Variants in COL5A2 observed in about 807,000 individuals in gnomAD.
The protein encoded by COL5A2 is collagen type V alpha 2 chain.
COL5A2 carries 23 observed loss-of-function variants against 208.2 expected under a neutral mutation model. The observed-to-expected ratio is 0.11, with a 90% CI of 0.08 to 0.16. The LOEUF (loss-of-function observed/expected upper bound fraction) is 0.16, where lower values mean the gene tolerates loss of function less well. Among genes scored for constraint, COL5A2 ranks in the 10% least tolerant of loss-of-function variants. COL5A2 has a pLI of 1.00. For synonymous variants in COL5A2, 625 were observed against 628.5 expected, an observed-to-expected ratio of 0.99 and a Z score of 0.08; for missense variants, 1,590 against 1,956.4, an observed-to-expected ratio of 0.81 and a Z score of 3.53.
chr2:189,168,982 G>A (rs1403744251), intron 1 of COL5A2, among the ~76,000 whole-genome samples: 1 of 152,166 alleles, frequency 6.6e-6, no homozygotes, highest in Non-Finnish European at 1.5e-5. Context: ...AAATCTCCTG[G>A]GAGTGAAGGG....
intron 21 of COL5A2, among the ~76,000 whole-genome samples, 198 bp downstream of exon 21, chr2:189,067,817 T>G (rs575175044): frequency 6.6e-6 from 1 of 152,302 alleles, no homozygotes; most frequent in South Asian, 2.1e-4. Flanking sequence ...TTTAACATAC[T>G]GCAATAATGT....
chr2:189,341,303 G>T, the COL5A2 span, among the ~76,000 whole-genome samples: 712 of 152,192 alleles, frequency 4.7e-3, 1 homozygote, highest in Non-Finnish European at 8.2e-3. Flanking sequence ...TCTAGTAGTT[G>T]CCACCTGCTG....
the COL5A2 span, among the ~76,000 whole-genome samples, chr2:189,434,151 A>G: frequency 6.6e-6 from 1 of 152,198 alleles, no homozygotes; most frequent in South Asian, 2.1e-4. Flanking sequence ...AAAAACTCTC[A>G]ATAAATTAGG....
At chr2:189,133,170 G>C (rs967905383) in intron 1 of COL5A2, 1 of 130,714 alleles carries the variant, frequency 7.7e-6, no homozygotes, top group African/African-American at 2.8e-5. Flanking sequence ...CGGCAGGCTG[G>C]AATGCAGTGG....
the COL5A2 span, among the ~76,000 whole-genome samples, chr2:189,239,685 G>A: frequency 3.3e-4 from 50 of 150,578 alleles, no homozygotes; most frequent in Non-Finnish European, 3.0e-5. Flanking sequence ...CGAGTTAATG[G>A]GTGCAGCACA....
At chr2:189,260,079 T>C in the COL5A2 span, among the ~76,000 whole-genome samples, 4 of 152,232 alleles carry the variant, frequency 2.6e-5, no homozygotes, top group Admixed American at 6.5e-5. Flanking sequence ...TGACACTGTG[T>C]TCCTAAATCC....
At chr2:189,136,340 T>C (rs1362696732) in intron 1 of COL5A2, among the ~76,000 whole-genome samples, 1 of 150,912 alleles carries the variant, frequency 6.6e-6, no homozygotes, top group African/African-American at 2.4e-5. Flanking sequence ...TGTATATAAA[T>C]ACATATTTAT....
At chr2:189,165,995 T>TA in intron 1 of COL5A2, among the ~76,000 whole-genome samples, 1 of 152,310 alleles carries the variant, frequency 6.6e-6, no homozygotes, top group East Asian at 1.9e-4. Flanking sequence ...AAAAATAGGG[T>TA]AAAAAATAGA....
chr2:189,104,254 TA>T lies in COL5A2; in HGVS notation c.336+9del. The stretch of plus-strand genomic sequence containing the variant: ...CTTATGAAAAAGAAAATATGCAAAG[TA>T]ACACTTACCTTTCTTCCTCTACCTG... On this transcript the variant is annotated intron_variant, in intron 3 of 53. Coordinates refer to ENST00000374866, the MANE Select transcript of COL5A2 (RefSeq NM_000393.5). 1 of 1,502,508 alleles carries T rather than the reference TA, an allele frequency of 6.7e-7. No homozygotes were observed. The highest frequency in any genetic ancestry group is 9.3e-7 in the Non-Finnish European group (1 of 1,080,776). The allele number at this position is 1,502,508 out of a possible 1,614,324, so 93.1% of individuals were successfully genotyped here.
chr2:189,050,125 C>A (rs1685752468), intron 43 of COL5A2, among the ~76,000 whole-genome samples: 1 of 152,134 alleles, frequency 6.6e-6, no homozygotes, highest in African/African-American at 2.4e-5. Flanking sequence ...CCTTCAGATC[C>A]TTCTTCAGCA....
At chr2:189,057,251 A>G in intron 34 of COL5A2, 69 bp downstream of exon 34, 2 of 1,167,996 alleles carry the variant, frequency 1.7e-6, no homozygotes, top group Admixed American at 2.0e-5. Context: ...TGCTCAAGAA[A>G]TCATTTCATT....
chr2:189,440,374 T>C, the COL5A2 span, among the ~76,000 whole-genome samples: 1 of 152,222 alleles, frequency 6.6e-6, no homozygotes, highest in Non-Finnish European at 1.5e-5. Context: ...ACTACACACC[T>C]AGGCTGTACG....
chr2:189,118,249 A>G lies in COL5A2; in HGVS notation c.98-7800T>C, dbSNP rs189409119. Among the ~76,000 whole-genome samples, 240 of 152,130 alleles carry G rather than the reference A, an allele frequency of 1.6e-3. 3 individuals are homozygous for G. The highest frequency in any genetic ancestry group is 0.015 in the Admixed American group (228 of 15,256). On this transcript the variant is annotated intron_variant, in intron 1 of 53. Coordinates refer to ENST00000374866, the MANE Select transcript of COL5A2 (RefSeq NM_000393.5). ...TGACATTATATCCTAAAAAGAACATATATTTTTACTCATTTTTGTAATTGA... is the reference window on the plus strand; with the variant it reads ...TGACATTATATCCTAAAAAGAACATGTATTTTTACTCATTTTTGTAATTGA...
At chr2:189,106,545 T>C (rs1388757590) in intron 2 of COL5A2, among the ~76,000 whole-genome samples, 7 of 151,312 alleles carry the variant, frequency 4.6e-5, no homozygotes, top group Non-Finnish European at 8.9e-5. Flanking sequence ...TTTCTGCAAA[T>C]GGATAGTTTT....
At chr2:189,385,585 A>T in the COL5A2 span, among the ~76,000 whole-genome samples, 1 of 152,102 alleles carries the variant, frequency 6.6e-6, no homozygotes, top group Non-Finnish European at 1.5e-5. Flanking sequence ...TTCCTATCAA[A>T]TTACCAATGC....
intron 1 of COL5A2, among the ~76,000 whole-genome samples, chr2:189,212,660 C>A (rs1689230005): frequency 6.7e-6 from 1 of 149,918 alleles, no homozygotes; most frequent in African/African-American, 2.5e-5. Flanking sequence ...AAAGTATCTG[C>A]CAGGGCTCTC....
At chr2:189,398,713 T>C in the COL5A2 span, among the ~76,000 whole-genome samples, 1 of 152,200 alleles carries the variant, frequency 6.6e-6, no homozygotes, top group Admixed American at 6.5e-5. Context: ...AGTCTTACTA[T>C]CTTTGTCATT....
chr2:189,297,410 C>T, the COL5A2 span, among the ~76,000 whole-genome samples: 2 of 152,120 alleles, frequency 1.3e-5, no homozygotes, highest in Non-Finnish European at 2.9e-5. Context: ...TGAGGCACTT[C>T]ATATGTTATT....
chr2:189,192,190 C>T (rs1338735752), intron 1 of COL5A2, among the ~76,000 whole-genome samples: 2 of 152,162 alleles, frequency 1.3e-5, no homozygotes, highest in East Asian at 3.9e-4. Context: ...AAGTAAAATG[C>T]TTTACTTTAA....
Sources: allele counts gnomAD v4.1 joint callset (sites outside exome capture counted in the v4.1 genomes callset), GRCh38; gene constraint gnomAD v4.1.1; transcripts MANE v1.5; gene names NCBI Gene and HGNC (gene_info 2026-07-23, HGNC 2026-07-21).